The following LMO3 variants were observed in gnomAD, a reference collection of about 807,000 sequenced individuals.
The protein encoded by LMO3 is LIM domain only 3, also known as LIM domain only protein 3.
In LMO3, 2 loss-of-function variants were observed where a neutral mutation model predicts 15.8. The ratio of observed to expected loss-of-function variants is 0.13; its 90% CI spans 0.05 to 0.40. LMO3 has a LOEUF of 0.40. LMO3 is among the 10% of genes least tolerant of loss of function. The pLI, the probability that LMO3 is intolerant of heterozygous loss-of-function variation, is 0.99. For missense variants in LMO3, 86 were observed against 182.2 expected (o/e 0.47, Z 3.04); for synonymous variants, 62 against 63.8 (o/e 0.97, Z 0.13).
chr12:16,559,369 T>A lies in LMO3; in HGVS notation c.332+1044A>T, dbSNP rs1377233453. Reference sequence around the variant, plus strand: ...AAAATGGAATTAAGTGATAATACTTTTCAGCTGAAAGAATTCTCTGAGATG... The same window carrying A: ...AAAATGGAATTAAGTGATAATACTTATCAGCTGAAAGAATTCTCTGAGATG... On this transcript the variant is annotated intron_variant, in intron 3 of 3. Coordinates refer to ENST00000537304, the MANE Select transcript of LMO3 (RefSeq NM_018640.5). The surrounding 1 kb of genome is among the most constrained non-coding windows in gnomAD (Gnocchi z 4.1). Among the ~76,000 whole-genome samples, 3 of 152,190 alleles carry A rather than the reference T, an allele frequency of 2.0e-5. No individual in the cohort carries two copies. The highest frequency in any genetic ancestry group is 2.9e-5 in the Non-Finnish European group (2 of 68,028).
Position 16,576,848 on chromosome 12 carries a change from G to C in LMO3, c.207-16310C>G, listed in dbSNP as rs1338692982. On this transcript the variant is annotated intron_variant, in intron 2 of 3. Coordinates refer to ENST00000537304, the MANE Select transcript of LMO3 (RefSeq NM_018640.5). The surrounding 1 kb of genome is among the most constrained non-coding windows in gnomAD (Gnocchi z 4.1). ...TGTACAATGGACATAAGACCTGTAG[G>C]TGGAAGTCAAAAATAAATTACTTAA... Among the ~76,000 whole-genome samples the C allele has an allele frequency of 6.6e-6, 1 of 152,158 alleles. No individual in the cohort carries two copies. The highest frequency in any genetic ancestry group is 1.5e-5 in the Non-Finnish European group (1 of 68,018).
At position 16,555,497 on chromosome 12, in the gene LMO3, G is replaced by A. The variant is rs911034822; in HGVS notation, c.333-4170C>T. Among the ~76,000 whole-genome samples the A allele has an allele frequency of 3.3e-5, 5 of 152,158 alleles. No individual in the cohort carries two copies. Among genetic ancestry groups the A allele is most frequent in the African/African-American group, 1.2e-4 (5 of 41,430 alleles). Reference sequence around the variant, plus strand: ...CATCATAAACTGTACTACCACTTAAGGTGTGTGGTCAATAAAAATTGGTTA... The same window carrying A: ...CATCATAAACTGTACTACCACTTAAAGTGTGTGGTCAATAAAAATTGGTTA... On this transcript the variant is annotated intron_variant, in intron 3 of 3. Transcript: ENST00000537304. The surrounding 1 kb of genome is among the most constrained non-coding windows in gnomAD (Gnocchi z 5.5).
At chr12:16,601,211 AAAT>A (rs1943811625) in intron 1 of LMO3, among the ~76,000 whole-genome samples, 1 of 152,220 alleles carries the variant, frequency 6.6e-6, no homozygotes, top group Non-Finnish European at 1.5e-5. Context: ...AAATGTGAGT[AAAT>A]AACAATCTGA....
chr12:16,607,622 G>C (rs1048805172), upstream of LMO3: 1 of 151,958 alleles, frequency 6.6e-6, no homozygotes, highest in African/African-American at 2.4e-5. Flanking sequence ...TTTGTCAGAG[G>C]TCAAGCTTAA....
chr12:16,605,399 C>T, intron 1 of LMO3: 1 of 1,195,104 alleles, frequency 8.4e-7, no homozygotes, highest in Non-Finnish European at 1.0e-6. Flanking sequence ...GGTCCAGGGA[C>T]CTTCCCTCTT....
Position 16,604,634 on chromosome 12 carries a change from T to A in LMO3, c.-9+1432A>T. On this transcript the variant is annotated intron_variant, in intron 1 of 3. Coordinates refer to ENST00000537304, the MANE Select transcript of LMO3 (RefSeq NM_018640.5). The surrounding 1 kb of genome is among the most constrained non-coding windows in gnomAD (Gnocchi z 5.3). ...CTTGCGGAGTTTATGCTCCAGCCTT[T>A]TGTGGTTGTGTCTTTGCAGCCACAC... 1 of 565,784 alleles carries A rather than the reference T, an allele frequency of 1.8e-6. No homozygotes were observed. Among genetic ancestry groups the A allele is most frequent in the South Asian group, 2.3e-5 (1 of 43,350 alleles). 35.0% of individuals were successfully genotyped at this position (565,784 alleles called of 1,614,324 possible).
rs991802455 is a variant in LMO3, at chr12:16,603,826, C to G, written c.-9+2240G>C. On this transcript the variant is annotated intron_variant, in intron 1 of 3. Transcript: ENST00000537304. This position sits in a 1 kb window ranked among gnomAD's most constrained non-coding sequence, Gnocchi z 4.9. ...CAACAAAGTAACCACAACTCCACAA[C>G]ACACAGGGGTTTAAAAAAAATAATA... is the stretch of plus-strand genomic sequence containing the variant. Among the ~76,000 whole-genome samples, 2 of 152,178 alleles carry G rather than the reference C, an allele frequency of 1.3e-5. No homozygotes were observed. The highest frequency in any genetic ancestry group is 2.9e-5 in the Non-Finnish European group (2 of 68,036).
chr12:16,576,719 A>T lies in LMO3; in HGVS notation c.207-16181T>A, dbSNP rs779778964. On this transcript the variant is annotated intron_variant, in intron 2 of 3. Transcript: ENST00000537304. The surrounding 1 kb of genome is among the most constrained non-coding windows in gnomAD (Gnocchi z 4.1). ...TAGAATGTAGAGATATATAAATGGAAATTAACATTCTTGCATTGTCCAACT... is the reference window on the plus strand; with the variant it reads ...TAGAATGTAGAGATATATAAATGGATATTAACATTCTTGCATTGTCCAACT... Among the ~76,000 whole-genome samples the T allele has an allele frequency of 7.2e-5, 11 of 152,208 alleles. No individual in the cohort carries two copies. The highest frequency in any genetic ancestry group is 1.2e-4 in the African/African-American group (5 of 41,448).
Position 16,604,983 on chromosome 12 carries a change from A to G in LMO3, c.-9+1083T>C. 1 of 1,596,908 alleles carries G rather than the reference A, an allele frequency of 6.3e-7. No homozygotes were observed. Among genetic ancestry groups the G allele is most frequent in the East Asian group, 2.2e-5 (1 of 44,826 alleles). Reference sequence around the variant, plus strand: ...AAGGGGGTCTCCTTGATTTCGCTTAAGTGTGGACCTGGTGCGCAGCCTACA... The same window carrying G: ...AAGGGGGTCTCCTTGATTTCGCTTAGGTGTGGACCTGGTGCGCAGCCTACA... On this transcript the variant is annotated intron_variant, in intron 1 of 3. Transcript: ENST00000537304. The surrounding 1 kb of genome is among the most constrained non-coding windows in gnomAD (Gnocchi z 5.3).
Position 16,604,889 on chromosome 12 carries a change from T to A in LMO3, c.-9+1177A>T, listed in dbSNP as rs1377958951. 1 of 1,597,038 alleles carries A rather than the reference T, an allele frequency of 6.3e-7. No homozygotes were observed. On this transcript the variant is annotated intron_variant, in intron 1 of 3. Transcript: ENST00000537304. This position sits in a 1 kb window ranked among gnomAD's most constrained non-coding sequence, Gnocchi z 5.3. Reference sequence around the variant, plus strand: ...CCAAAACTTTTCTCCTTTTTCTGCATGAGTTGACTTAGGCGTGTCTGAGTT... The same window carrying A: ...CCAAAACTTTTCTCCTTTTTCTGCAAGAGTTGACTTAGGCGTGTCTGAGTT...
intron 3 of LMO3, among the ~76,000 whole-genome samples, chr12:16,558,100 C>A (rs1591772359): frequency 6.6e-6 from 1 of 152,008 alleles, no homozygotes; most frequent in South Asian, 2.1e-4. Flanking sequence ...AAAAAAGGCA[C>A]AAAATATAAA....
rs1941877073 is a variant in LMO3 at position 16,548,647 on chromosome 12, G to A, written c.*2575C>T. The A allele has an allele frequency of 6.6e-6, 1 of 152,034 alleles. No individual in the cohort carries two copies. The allele number at this position is 152,034 out of a possible 1,614,324, so 9.4% of individuals were successfully genotyped here. On this transcript the variant is annotated 3_prime_UTR_variant, in exon 4 of 4. Coordinates refer to ENST00000537304, the MANE Select transcript of LMO3 (RefSeq NM_018640.5). The surrounding 1 kb of genome is among the most constrained non-coding windows in gnomAD (Gnocchi z 4.2). ...CAGACAACAAGCTAAATGACGTTAG[G>A]GCTACACAACACAAAGGGGAAAGTT...
At chr12:16,583,998 C>T (rs954169518) in intron 2 of LMO3, among the ~76,000 whole-genome samples, 2 of 152,288 alleles carry the variant, frequency 1.3e-5, no homozygotes, top group Admixed American at 1.3e-4. Flanking sequence ...AGATGAAATA[C>T]TTTTCCATAA....
intron 2 of LMO3, chr12:16,594,118 T>C (rs1482933547): frequency 2.0e-6 from 3 of 1,531,520 alleles, no homozygotes; most frequent in Non-Finnish European, 2.6e-6. Context: ...GTTTGAATTT[T>C]ACAAGTTTTA....
chr12:16,584,966 A>G lies in LMO3; in HGVS notation c.206+15689T>C, dbSNP rs1187114469. Among the ~76,000 whole-genome samples the G allele has an allele frequency of 6.6e-6, 1 of 152,226 alleles. No homozygotes were observed. Among genetic ancestry groups the G allele is most frequent in the Non-Finnish European group, 1.5e-5 (1 of 68,040 alleles). On this transcript the variant is annotated intron_variant, in intron 2 of 3. Transcript: ENST00000537304. This position sits in a 1 kb window ranked among gnomAD's most constrained non-coding sequence, Gnocchi z 5.2. ...ACCAGAATTTTATGATTCTGACCAA[A>G]AAGTTACATACTAGTAGCTGTGTGC...
Position 16,559,705 on chromosome 12 carries a change from C to T in LMO3, c.332+708G>A, listed in dbSNP as rs1942317892. On this transcript the variant is annotated intron_variant, in intron 3 of 3. Coordinates refer to ENST00000537304, the MANE Select transcript of LMO3 (RefSeq NM_018640.5). The surrounding 1 kb of genome is among the most constrained non-coding windows in gnomAD (Gnocchi z 4.1). ...GTGGCTCATGCCTATAATCCCTGCA[C>T]TTTGGGAGGTGGAGGTGGGAGGATT... Among the ~76,000 whole-genome samples, 1 of 151,636 alleles carries T rather than the reference C, an allele frequency of 6.6e-6. No individual in the cohort carries two copies. The highest frequency in any genetic ancestry group is 2.4e-5 in the African/African-American group (1 of 41,216).
At position 16,589,910 on chromosome 12, in the gene LMO3, C is replaced by T. The variant is rs1043037146; in HGVS notation, c.206+10745G>A. Among the ~76,000 whole-genome samples the T allele has an allele frequency of 5.3e-5, 8 of 152,030 alleles. No individual in the cohort carries two copies. Among genetic ancestry groups the T allele is most frequent in the Non-Finnish European group, 8.8e-5 (6 of 68,004 alleles). ...CGTAAAGCTCTCTGGCTACTGTCTCCGTCTAGCTTTCTGGGAAGTATGTGT... is the reference window on the plus strand; with the variant it reads ...CGTAAAGCTCTCTGGCTACTGTCTCTGTCTAGCTTTCTGGGAAGTATGTGT... On this transcript the variant is annotated intron_variant, in intron 2 of 3. Coordinates refer to ENST00000537304, the MANE Select transcript of LMO3 (RefSeq NM_018640.5). The surrounding 1 kb of genome is among the most constrained non-coding windows in gnomAD (Gnocchi z 4.2).
chr12:16,596,665 T>C lies in LMO3; in HGVS notation c.206+3990A>G, dbSNP rs1240886314. Among the ~76,000 whole-genome samples, 1 of 151,698 alleles carries C rather than the reference T, an allele frequency of 6.6e-6. No homozygotes were observed. Among genetic ancestry groups the C allele is most frequent in the Admixed American group, 6.6e-5 (1 of 15,216 alleles). On this transcript the variant is annotated intron_variant, in intron 2 of 3. Transcript: ENST00000537304. The surrounding 1 kb of genome is among the most constrained non-coding windows in gnomAD (Gnocchi z 4.3). ...TTAATGCTTGCTGCAAAACATTAAA[T>C]AAAAGCATGTAGAATTCCTAATTCT...
chr12:16,605,596 A>G, intron 1 of LMO3: 3 of 686,924 alleles, frequency 4.4e-6, no homozygotes, highest in Non-Finnish European at 7.1e-6. Flanking sequence ...GAATTCCAGC[A>G]AGTAAGGGGG....
Sources: allele counts gnomAD v4.1 joint callset (sites outside exome capture counted in the v4.1 genomes callset), GRCh38; gene constraint gnomAD v4.1.1; non-coding constraint Gnocchi (gnomAD v3.1); transcripts MANE v1.5; gene names NCBI Gene and HGNC (gene_info 2026-07-23, HGNC 2026-07-21).